Variants in SHANK2 observed in about 807,000 individuals in gnomAD.
The protein encoded by SHANK2 is SH3 and multiple ankyrin repeat domains 2.
SHANK2 carries 43 observed loss-of-function variants against 133.7 expected under a neutral mutation model. The observed-to-expected ratio is 0.32, with a 90% confidence interval of 0.25 to 0.41. SHANK2 has a LOEUF of 0.41. SHANK2 is among the 10% of genes least tolerant of loss of function. The pLI is 1.00. For missense variants in SHANK2, 1,994 were observed against 2,235.8 expected, an observed-to-expected ratio of 0.89 and a Z score of 2.18; for synonymous variants, 1,017 against 952.8, an observed-to-expected ratio of 1.07 and a Z score of -1.24.
At chr11:71,192,834 A>G (rs1953818837) in intron 2 of SHANK2, among the ~76,000 whole-genome samples, 1 of 152,212 alleles carries the variant, frequency 6.6e-6, no homozygotes, top group African/African-American at 2.4e-5. Context: ...AAAAGGTGAC[A>G]CCCAGAGAAT....
chr11:70,481,421 C>A (rs1227312506), intron 25 of SHANK2, among the ~76,000 whole-genome samples: 4 of 152,136 alleles, frequency 2.6e-5, no homozygotes, highest in Non-Finnish European at 5.9e-5. Context: ...TCCTTTGATC[C>A]CATCCTGGAT....
At chr11:70,501,573 A>G (rs953397997) in intron 20 of SHANK2, among the ~76,000 whole-genome samples, 14 of 152,230 alleles carry the variant, frequency 9.2e-5, no homozygotes, top group African/African-American at 3.4e-4. Context: ...CCCTGGCTCC[A>G]TGGTGACTCC....
intron 21 of SHANK2, among the ~76,000 whole-genome samples, chr11:70,495,326 C>T (rs1253418600): frequency 1.3e-5 from 2 of 152,198 alleles, no homozygotes; most frequent in African/African-American, 4.8e-5. Flanking sequence ...TGGCTGGGGT[C>T]GAATTGGTTT....
chr11:70,943,806 C>T (rs1950680123), intron 10 of SHANK2: 1 of 415,570 alleles, frequency 2.4e-6, no homozygotes, highest in African/African-American at 2.0e-5. Context: ...GAGCTGCTCC[C>T]CTCCCACCCA....
At chr11:70,557,555 T>A (rs2136111945) in intron 17 of SHANK2, among the ~76,000 whole-genome samples, 1 of 152,180 alleles carries the variant, frequency 6.6e-6, no homozygotes, top group African/African-American at 2.4e-5. Context: ...ATGTCGGTCT[T>A]GCTGCTAAAG....
At chr11:71,204,340 G>A (rs768745887) in intron 2 of SHANK2, among the ~76,000 whole-genome samples, 4 of 152,236 alleles carry the variant, frequency 2.6e-5, no homozygotes, top group African/African-American at 4.8e-5. Flanking sequence ...GGCCCCTGCT[G>A]GGCTGATGGT....
At chr11:71,074,086 C>T (rs1951186645) in intron 9 of SHANK2, among the ~76,000 whole-genome samples, 1 of 152,142 alleles carries the variant, frequency 6.6e-6, no homozygotes, top group Non-Finnish European at 1.5e-5. Flanking sequence ...GGATGCTCGC[C>T]TTGCTTTCCT....
chr11:70,618,845 T>A (rs2060791869), intron 17 of SHANK2, among the ~76,000 whole-genome samples: 1 of 152,172 alleles, frequency 6.6e-6, no homozygotes, highest in African/African-American at 2.4e-5. Flanking sequence ...AGGCTGGCTC[T>A]CCAGGGCCTT....
In SHANK2 at chr11:71,092,373, G is replaced by A. The variant is rs1555094209; in HGVS notation, c.912+49C>T. ...CTTATCTGCGGGATCGGAGGAGAAG[G>A]GGAAGTCAGTTCGTGGGTACAACAG... On this transcript the variant is annotated intron_variant, in intron 8 of 25. Transcript: ENST00000601538. The A allele has an allele frequency of 4.5e-6, 7 of 1,546,688 alleles. No individual in the cohort carries two copies. The Admixed American group carries it at 7.8e-5, about 17-fold the overall frequency.
intron 17 of SHANK2, 133 bp from the exon 18 acceptor site, chr11:70,503,064 C>A (rs1394335762): frequency 8.1e-6 from 8 of 988,140 alleles, no homozygotes; most frequent in Admixed American, 1.7e-5. Context: ...GTGAGACCGT[C>A]ATCTTTTTGG....
At chr11:71,184,315 A>C (rs1278297491) in intron 2 of SHANK2, among the ~76,000 whole-genome samples, 9 of 152,070 alleles carry the variant, frequency 5.9e-5, no homozygotes, top group African/African-American at 2.2e-4. Flanking sequence ...TGGTCAAACA[A>C]CCATGGTCTA....
chr11:70,714,653 C>T (rs1173569302), intron 14 of SHANK2, among the ~76,000 whole-genome samples: 1 of 152,196 alleles, frequency 6.6e-6, no homozygotes, highest in African/African-American at 2.4e-5. Flanking sequence ...TTTCCAAGGT[C>T]ACCTGGCTGC....
intron 4 of SHANK2, among the ~76,000 whole-genome samples, chr11:71,114,772 GA>G (rs1951948832): frequency 6.6e-6 from 1 of 152,148 alleles, no homozygotes; most frequent in Admixed American, 6.5e-5. Flanking sequence ...CCAGATTTCA[GA>G]AGCCACTGAG....
At position 70,729,116 on chromosome 11, in the gene SHANK2, A is replaced by G. The variant is rs570476366; in HGVS notation, c.1778-30353T>C. On this transcript the variant is annotated intron_variant, in intron 14 of 25. Transcript: ENST00000601538. Reference sequence around the variant, plus strand: ...CTACTTGGGAAGCTGAGGCAGGAGAATCACTTGGACCCAGGAGGCAGAGGT... The same window carrying G: ...CTACTTGGGAAGCTGAGGCAGGAGAGTCACTTGGACCCAGGAGGCAGAGGT... Among the ~76,000 whole-genome samples, 53 of 152,036 alleles carry G rather than the reference A, an allele frequency of 3.5e-4. No individual in the cohort carries two copies. The East Asian group carries it at 9.5e-3, about 27-fold the overall frequency.
At chr11:70,930,615 T>G (rs1394919955) in intron 10 of SHANK2, among the ~76,000 whole-genome samples, 1 of 152,098 alleles carries the variant, frequency 6.6e-6, no homozygotes, top group South Asian at 2.1e-4. Context: ...CAGAGGTTGA[T>G]CTTGCAAACA....
intron 17 of SHANK2, among the ~76,000 whole-genome samples, chr11:70,651,527 C>T (rs1036109357): frequency 1.8e-4 from 28 of 152,178 alleles, no homozygotes; most frequent in Non-Finnish European, 2.8e-4. Flanking sequence ...GTGCATTAAG[C>T]CTCAGAGAGC....
intron 17 of SHANK2, among the ~76,000 whole-genome samples, chr11:70,586,395 G>T (rs889027543): frequency 6.6e-6 from 1 of 152,116 alleles, no homozygotes; most frequent in Non-Finnish European, 1.5e-5. Flanking sequence ...GGGCAGGTGC[G>T]AATGAGGGAG....
At chr11:70,876,588 T>TAC (rs3064230) in intron 11 of SHANK2, among the ~76,000 whole-genome samples, 7,321 of 135,322 alleles carry the variant, frequency 0.054, 277 homozygotes, top group African/African-American at 0.1. Flanking sequence ...AAAAAAATTA[T>TAC]ACACACACAC....
rs181387241 is a variant in SHANK2, at chr11:70,487,892, G to T, written c.2573-172C>A. The stretch of plus-strand genomic sequence containing the variant: ...CGAGTGGTTAGTCACATGGCCCGTC[G>T]TGAGCCAAAGGACAAGAAAGGGAAG... On this transcript the variant is annotated intron_variant, in intron 24 of 25. Coordinates refer to ENST00000601538, the MANE Select transcript of SHANK2 (RefSeq NM_012309.5). This position sits in a 1 kb window ranked among gnomAD's most constrained non-coding sequence, Gnocchi z 5.8. Among the ~76,000 whole-genome samples, 1 of 152,216 alleles carries T rather than the reference G, an allele frequency of 6.6e-6. No homozygotes were observed. The highest frequency in any genetic ancestry group is 6.5e-5 in the Admixed American group (1 of 15,278).
Sources: allele counts gnomAD v4.1 joint callset (sites outside exome capture counted in the v4.1 genomes callset), GRCh38; gene constraint gnomAD v4.1.1; non-coding constraint Gnocchi (gnomAD v3.1); transcripts MANE v1.5; gene names NCBI Gene and HGNC (gene_info 2026-07-23, HGNC 2026-07-21).